Variants in AGBL1 observed in about 807,000 individuals in gnomAD.
AGBL1 encodes AGBL carboxypeptidase 1.
AGBL1 carries 130 observed loss-of-function variants against 118.9 expected under a neutral mutation model. That is an observed-to-expected ratio of 1.09 (90% CI 0.95 to 1.26). The LOEUF is 1.26. Ranked by LOEUF, AGBL1 falls within the 50% of genes most tolerant of loss-of-function variation. The pLI is 0.00. For synonymous variants in AGBL1, 555 were observed against 478.9 expected, an observed-to-expected ratio of 1.16 and a Z score of -2.08; for missense variants, 1,584 against 1,298.1, an observed-to-expected ratio of 1.22 and a Z score of -3.38.
intron 16 of AGBL1, among the ~76,000 whole-genome samples, chr15:86,285,815 C>T (rs2079434604): frequency 6.6e-6 from 1 of 152,132 alleles, no homozygotes; most frequent in African/African-American, 2.4e-5. Flanking sequence ...TTTGCCTCGT[C>T]CAACATTTGC....
At chr15:86,156,475 CA>C (rs1347757862) in intron 4 of AGBL1, among the ~76,000 whole-genome samples, 1 of 152,134 alleles carries the variant, frequency 6.6e-6, no homozygotes, top group Non-Finnish European at 1.5e-5. Context: ...GCCCTATCTC[CA>C]GATACAGTCC....
At chr15:86,707,781 T>C (rs531513863) in intron 22 of AGBL1, among the ~76,000 whole-genome samples, 8 of 152,284 alleles carry the variant, frequency 5.3e-5, no homozygotes, top group African/African-American at 1.9e-4. Context: ...CATGAGATCT[T>C]CTGAGCATTT....
At chr15:86,519,952 T>C (rs1474900300) in intron 18 of AGBL1, among the ~76,000 whole-genome samples, 1 of 152,228 alleles carries the variant, frequency 6.6e-6, no homozygotes, top group African/African-American at 2.4e-5. Flanking sequence ...GATTATTTCT[T>C]TGCATTTTTT....
At chr15:86,984,139 G>A (rs1426957390) in intron 23 of AGBL1, among the ~76,000 whole-genome samples, 1 of 152,112 alleles carries the variant, frequency 6.6e-6, no homozygotes, top group Non-Finnish European at 1.5e-5. Context: ...ATTCCCACCA[G>A]AAATGTAGGG....
intron 5 of AGBL1, among the ~76,000 whole-genome samples, chr15:86,209,453 G>C (rs2141880921): frequency 6.6e-6 from 1 of 152,250 alleles, no homozygotes; most frequent in South Asian, 2.1e-4. Flanking sequence ...GGGAGTCTAA[G>C]TCTCTTTGTA....
intron 22 of AGBL1, among the ~76,000 whole-genome samples, chr15:86,821,518 A>T (rs1408119736): frequency 1.3e-5 from 2 of 152,162 alleles, no homozygotes; most frequent in East Asian, 3.9e-4. Context: ...TTTAAAAAAG[A>T]TAATAGATAA....
chr15:86,675,818 G>C (rs1274629714), intron 22 of AGBL1, among the ~76,000 whole-genome samples: 2 of 152,160 alleles, frequency 1.3e-5, no homozygotes, highest in African/African-American at 2.4e-5. Context: ...ATTGAGGGAA[G>C]ATTGAGCAGA....
chr15:86,546,124 C>T lies in AGBL1; in HGVS notation c.2808C>T (p.Val936=), dbSNP rs776844029. The T allele has an allele frequency of 6.2e-6, 10 of 1,611,926 alleles. No individual in the cohort carries two copies. The Admixed American group carries it at 1.2e-4, about 19-fold the overall frequency. The change falls in exon 20 of 23, where the codon GTC becomes GTT. Residue 936 remains valine, a synonymous_variant. Transcript: ENST00000614907. ...TVGTSTILEE[V]NYRTLPKILD... is the part of the protein sequence containing the mutation. ...GCACATCTACTATCCTAGAGGAGGT[C>T]AACTACAGGGTAAGCCGCTGTGGGG...
intron 22 of AGBL1, among the ~76,000 whole-genome samples, chr15:86,879,160 C>G (rs141387189): frequency 6.6e-6 from 1 of 152,198 alleles, no homozygotes; most frequent in African/African-American, 2.4e-5. Context: ...TTGCCCCATT[C>G]ATCCTCTCTT....
intron 1 of AGBL1, among the ~76,000 whole-genome samples, chr15:86,132,864 T>C (rs192678413): frequency 1.3e-4 from 20 of 152,306 alleles, no homozygotes; most frequent in African/African-American, 4.3e-4. Context: ...ATTGGGAACA[T>C]TGTGATCCTG....
intron 24 of AGBL1, among the ~76,000 whole-genome samples, chr15:86,993,774 C>T (rs1052209838): frequency 2.0e-5 from 3 of 152,172 alleles, no homozygotes; most frequent in African/African-American, 7.2e-5. Flanking sequence ...AATGAATCTC[C>T]ACTTCAAATG....
intron 17 of AGBL1, among the ~76,000 whole-genome samples, chr15:86,315,086 C>G (rs1043956747): frequency 6.6e-6 from 1 of 152,094 alleles, no homozygotes; most frequent in African/African-American, 2.4e-5. Context: ...ATACTCATAC[C>G]CATAATCTTT....
chr15:86,469,070 G>A (rs901051047), intron 18 of AGBL1, among the ~76,000 whole-genome samples: 8 of 151,082 alleles, frequency 5.3e-5, no homozygotes, highest in African/African-American at 2.0e-4. Flanking sequence ...ACCTCACAAA[G>A]TTTGTTTTTT....
At chr15:86,424,861 A>G (rs1490129301) in intron 18 of AGBL1, among the ~76,000 whole-genome samples, 1 of 152,232 alleles carries the variant, frequency 6.6e-6, no homozygotes, top group East Asian at 1.9e-4. Context: ...TGCCAGTTAG[A>G]CTGGCGATCT....
chr15:86,616,374 G>GAAAAAAAAAAAAAA (rs2084725990), intron 21 of AGBL1, among the ~76,000 whole-genome samples: 3 of 142,392 alleles, frequency 2.1e-5, no homozygotes, highest in Admixed American at 6.9e-5. Context: ...AAAAAAAAAT[G>GAAAAAAAAAAAAAA]AAGATGGAAA....
At chr15:86,471,423 A>G (rs1399129568) in intron 18 of AGBL1, among the ~76,000 whole-genome samples, 2 of 151,814 alleles carry the variant, frequency 1.3e-5, no homozygotes, top group African/African-American at 2.4e-5. Context: ...TGACTGTTTC[A>G]ATGTGCTGTT....
intron 4 of AGBL1, among the ~76,000 whole-genome samples, chr15:86,158,578 A>G (rs1246754013): frequency 6.6e-6 from 1 of 152,176 alleles, no homozygotes; most frequent in Non-Finnish European, 1.5e-5. Flanking sequence ...CAAAAGTTGT[A>G]TTTACCTAAC....
chr15:86,444,861 A>G (rs1261783644), intron 18 of AGBL1, among the ~76,000 whole-genome samples: 2 of 152,196 alleles, frequency 1.3e-5, no homozygotes, highest in East Asian at 3.8e-4. Flanking sequence ...AGAAAATTTA[A>G]TTGAAAGTTA....
chr15:86,468,805 G>T (rs1014615067), intron 18 of AGBL1, among the ~76,000 whole-genome samples: 11 of 152,208 alleles, frequency 7.2e-5, no homozygotes, highest in African/African-American at 2.6e-4. Flanking sequence ...GACATGAGAG[G>T]GGATGTAAAG....
Sources: allele counts gnomAD v4.1 joint callset (sites outside exome capture counted in the v4.1 genomes callset), GRCh38; gene constraint gnomAD v4.1.1; transcripts MANE v1.5; gene names NCBI Gene and HGNC (gene_info 2026-07-23, HGNC 2026-07-21).